The following CACNA1I variants were observed in gnomAD, a reference collection of about 807,000 sequenced individuals.
CACNA1I encodes the protein calcium voltage-gated channel subunit alpha1 I.
In CACNA1I, 74 loss-of-function variants were observed where a neutral mutation model predicts 201.6. The observed-to-expected ratio is 0.37, with a 90% CI of 0.30 to 0.45. The LOEUF (loss-of-function observed/expected upper bound fraction) is 0.45, where lower values mean the gene tolerates loss of function less well. Among genes scored for constraint, CACNA1I ranks in the 20% least tolerant of loss-of-function variants. The pLI is 1.00. For synonymous variants in CACNA1I, 1,431 were observed against 1,345.2 expected, an observed-to-expected ratio of 1.06 and a Z score of -1.40; for missense variants, 2,346 against 3,138.1, an observed-to-expected ratio of 0.75 and a Z score of 6.03.
chr22:39,646,890 C>T lies in CACNA1I; in HGVS notation c.1462+9C>T. On this transcript the variant is annotated intron_variant, in intron 8 of 36. Transcript: ENST00000402142. ...GGAGCCCCGGCACTACCGTAAGTGG[C>T]CCTGCATCCGACGCGGCACTCAGGC... is the stretch of plus-strand genomic sequence containing the variant. 1 of 1,479,556 alleles carries T rather than the reference C, an allele frequency of 6.8e-7. No homozygotes were observed. 91.7% of individuals were successfully genotyped at this position (1,479,556 alleles called of 1,614,324 possible).
At chr22:39,682,756 C>A in intron 35 of CACNA1I, 95 bp downstream of exon 35, 1 of 1,069,792 alleles carries the variant, frequency 9.3e-7, no homozygotes, top group Non-Finnish European at 1.3e-6. Context: ...GTATTTTTAC[C>A]CAGATTATTA....
intron 1 of CACNA1I, among the ~76,000 whole-genome samples, chr22:39,595,838 G>A (rs1054160431): frequency 6.6e-6 from 1 of 151,872 alleles, no homozygotes; most frequent in Non-Finnish European, 1.5e-5. Context: ...CCTACTAGAT[G>A]TTAGGCCGTG....
At chr22:39,612,366 A>C (rs1933409627) in intron 3 of CACNA1I, among the ~76,000 whole-genome samples, 1 of 152,212 alleles carries the variant, frequency 6.6e-6, no homozygotes, top group South Asian at 2.1e-4. Flanking sequence ...ATAGCAGCAG[A>C]AAATGGACTA....
rs1394426481 is a variant in CACNA1I, at chr22:39,672,169, T to C, written c.4540-30T>C. The C allele has an allele frequency of 2.7e-6, 4 of 1,464,080 alleles. No homozygotes were observed. In the South Asian group the frequency reaches 3.4e-5, roughly 12 times the overall value. 90.7% of individuals were successfully genotyped at this position (1,464,080 alleles called of 1,614,324 possible). A position where few individuals can be genotyped will look rare whatever the true frequency, so the allele number is the denominator to read the frequency against. ...AGGTTGTGGAGCAGGTCATGTGCCC[T>C]GGATCATGCTTCTCTTTGTTCCTCC... On this transcript the variant is annotated intron_variant, in intron 26 of 36. Coordinates refer to ENST00000402142, the MANE Select transcript of CACNA1I (RefSeq NM_021096.4).
At chr22:39,634,513 T>C in intron 4 of CACNA1I, 52 bp from the exon 5 acceptor site, 1 of 1,587,358 alleles carries the variant, frequency 6.3e-7, no homozygotes, top group Non-Finnish European at 8.6e-7. Flanking sequence ...CTCTTTCGTC[T>C]CTGGGACCTC....
intron 23 of CACNA1I, 71 bp from the exon 24 acceptor site, chr22:39,668,221 G>A: frequency 1.1e-6 from 1 of 877,832 alleles, no homozygotes. Context: ...ATAGAGAGCT[G>A]AGGAGGGGTG....
intron 4 of CACNA1I, among the ~76,000 whole-genome samples, chr22:39,622,644 C>G (rs1933781738): frequency 6.6e-6 from 1 of 151,232 alleles, no homozygotes; most frequent in South Asian, 2.1e-4. Context: ...GGACATGGGA[C>G]TGCTCCTGGA....
intron 1 of CACNA1I, among the ~76,000 whole-genome samples, chr22:39,589,247 C>T (rs1213947468): frequency 2.0e-5 from 3 of 152,238 alleles, no homozygotes; most frequent in Non-Finnish European, 2.9e-5. Context: ...GGGCTGTTAC[C>T]GATAACACAG....
intron 7 of CACNA1I, among the ~76,000 whole-genome samples, chr22:39,645,643 A>G (rs1187464099): frequency 6.6e-6 from 1 of 152,114 alleles, no homozygotes; most frequent in African/African-American, 2.4e-5. Context: ...ATCACTGATG[A>G]GGCTGCAGCC....
chr22:39,599,020 T>C (rs1163516832), intron 2 of CACNA1I, among the ~76,000 whole-genome samples: 5 of 137,140 alleles, frequency 3.6e-5, no homozygotes, highest in Middle Eastern at 4.1e-3. Flanking sequence ...GCGATCTCGG[T>C]TCACTGCAAG....
intron 10 of CACNA1I, among the ~76,000 whole-genome samples, chr22:39,650,545 G>T (rs1274236177): frequency 1.3e-5 from 2 of 152,146 alleles, no homozygotes; most frequent in African/African-American, 4.8e-5. Flanking sequence ...CAAAACTTCT[G>T]TTGCTCCTCA....
At chr22:39,588,520 G>A (rs1932785561) in intron 1 of CACNA1I, among the ~76,000 whole-genome samples, 1 of 151,486 alleles carries the variant, frequency 6.6e-6, no homozygotes, top group Non-Finnish European at 1.5e-5. Context: ...CGAGTAGCTG[G>A]GACTACAGGC....
In CACNA1I at chr22:39,649,567, C is replaced by T. The variant is rs60975716; in HGVS notation, c.1634C>T (p.Thr545Met). 14 of 1,549,558 alleles carry T rather than the reference C, an allele frequency of 9.0e-6. No individual in the cohort carries two copies. The highest frequency in any genetic ancestry group is 5.9e-5 in the Admixed American group (3 of 51,012). ...PHTLVQPIPA[T>M]LASDPASCPC... is the part of the protein sequence containing the mutation. ...ACCCTGGTGCAGCCCATCCCCGCCA[C>T]GCTGGCTTCCGATCCCGCCAGCTGC... Residue 545 changes from threonine (T) to methionine (M), a missense_variant, in exon 10 of 37, where the codon ACG (threonine) becomes ATG (methionine). Physicochemically the swap from Thr to Met is moderately conservative, Grantham distance 81. Around this residue, in one of 13 missense-constraint regions of CACNA1I, gnomAD observed 312 missense variants for 331.5 expected, o/e 0.94. Coordinates refer to ENST00000402142, the MANE Select transcript of CACNA1I (RefSeq NM_021096.4). The surrounding 1 kb of genome is among the most constrained non-coding windows in gnomAD (Gnocchi z 7.3).
chr22:39,649,688 C>T lies in CACNA1I; in HGVS notation c.1755C>T (p.Gly585=), dbSNP rs528673382. The change falls in exon 10 of 37, where the codon GGC becomes GGT. Residue 585 remains glycine (G), a synonymous_variant. Transcript: ENST00000402142. This position sits in a 1 kb window ranked among gnomAD's most constrained non-coding sequence, Gnocchi z 7.3. ...EGSGSGSSAG[G]EDEADGDGAR... is the part of the protein sequence containing the mutation. ...CGGGCTCCGGGAGCTCCGCTGGTGGCGAGGACGAGGCGGATGGGGACGGGG... is the reference window on the plus strand; with the variant it reads ...CGGGCTCCGGGAGCTCCGCTGGTGGTGAGGACGAGGCGGATGGGGACGGGG... 7.3e-5 allele frequency: 110 copies of T among 1,514,902 alleles called. No individual in the cohort carries two copies. The highest frequency in any genetic ancestry group is 2.0e-4 in the Middle Eastern group (1 of 5,078). The allele number at this position is 1,514,902 out of a possible 1,614,324, so 93.8% of individuals were successfully genotyped here.
intron 16 of CACNA1I, 36 bp from the exon 17 acceptor site, chr22:39,661,929 C>A: frequency 7.3e-7 from 1 of 1,370,216 alleles, no homozygotes; most frequent in Non-Finnish European, 9.7e-7. Context: ...GTGGGTGTGC[C>A]TGTGGGGCGC....
At chr22:39,617,535 G>A (rs1048100230) in intron 3 of CACNA1I, among the ~76,000 whole-genome samples, 4 of 152,116 alleles carry the variant, frequency 2.6e-5, no homozygotes, top group African/African-American at 4.8e-5. Flanking sequence ...GATGGGACTC[G>A]GCAGTCCTGG....
In CACNA1I at chr22:39,686,808, A is replaced by C. The variant is rs1170508993; in HGVS notation, c.*403A>C. The C allele has an allele frequency of 6.6e-6, 1 of 151,706 alleles. No homozygotes were observed. Among genetic ancestry groups the C allele is most frequent in the Non-Finnish European group, 1.5e-5 (1 of 67,906 alleles). The allele number at this position is 151,706 out of a possible 1,614,324, so 9.4% of individuals were successfully genotyped here. On this transcript the variant is annotated 3_prime_UTR_variant, in exon 37 of 37. Transcript: ENST00000402142. ...CTGGGATTCTGGCCAGACCCACCCC[A>C]GGGCACATGTCCTGCGGGGGCGTCC...
rs538500708 is a variant in CACNA1I, at chr22:39,679,948, C to A, written c.5541+80C>A. On this transcript the variant is annotated intron_variant, in intron 33 of 36. Transcript: ENST00000402142. ...GTGGGGGGCCTGTCCGAGGGCAGAG[C>A]CTGGCTCTGGGCTGTAGAGACCAGG... 2.8e-6 allele frequency: 4 copies of A among 1,432,522 alleles called. 1 individual carries two copies. In the South Asian group the frequency reaches 3.9e-5, roughly 14 times the overall value. 88.7% of individuals were successfully genotyped at this position (1,432,522 alleles called of 1,614,324 possible).
intron 8 of CACNA1I, 141 bp from the exon 9 acceptor site, chr22:39,647,681 T>C (rs1934530318): frequency 3.2e-6 from 2 of 626,640 alleles, no homozygotes; most frequent in Non-Finnish European, 5.7e-6. Flanking sequence ...CCCAAAGTGC[T>C]AGGATTATAG....
Sources: gnomAD v4.1 joint callset for allele counts (sites outside exome capture counted in the v4.1 genomes callset) on GRCh38, gnomAD v4.1.1 for gene constraint, gnomAD v4.1.1 regional missense constraint, Gnocchi (gnomAD v3.1) non-coding constraint, MANE v1.5 for transcripts, NCBI Gene and HGNC (gene_info 2026-07-23, HGNC 2026-07-21) for gene names.